Variants in SNRPA1 observed in about 807,000 individuals in gnomAD.
SNRPA1 encodes the protein U2 small nuclear ribonucleoprotein A'.
Under a neutral mutation model 32.3 loss-of-function variants are expected in SNRPA1, and 5 were observed. The ratio of observed to expected loss-of-function variants is 0.15; its 90% CI spans 0.08 to 0.33. The LOEUF (loss-of-function observed/expected upper bound fraction) is 0.33, where lower values mean the gene tolerates loss of function less well. SNRPA1 is among the 10% of genes least tolerant of loss of function. SNRPA1 has a pLI of 1.00. For missense variants in SNRPA1, 198 were observed against 311.1 expected, an observed-to-expected ratio of 0.64 and a Z score of 2.74; for synonymous variants, 111 against 120.1, an observed-to-expected ratio of 0.92 and a Z score of 0.50.
intron 2 of SNRPA1, among the ~76,000 whole-genome samples, chr15:101,292,316 CA>C (rs1239128453): frequency 6.6e-6 from 1 of 152,214 alleles, no homozygotes; most frequent in Non-Finnish European, 1.5e-5. Flanking sequence ...CTACTTAACT[CA>C]CTTCATGATT....
chr15:101,284,673 T>A, intron 8 of SNRPA1: 1 of 237,468 alleles, frequency 4.2e-6, no homozygotes, highest in East Asian at 9.3e-5. Flanking sequence ...CGGCTAATTT[T>A]GTATTTTTAG....
At chr15:101,290,784 C>T (rs2039516401) in intron 3 of SNRPA1, among the ~76,000 whole-genome samples, 1 of 149,568 alleles carries the variant, frequency 6.7e-6, no homozygotes, top group African/African-American at 2.5e-5. Context: ...TTTCTTTGCC[C>T]AGGCTGGAGT....
At chr15:101,291,882 G>C in intron 3 of SNRPA1, 80 bp downstream of exon 3, 1 of 858,754 alleles carries the variant, frequency 1.2e-6, no homozygotes. Context: ...TCATTTTCTA[G>C]ATTTTGTAAA....
intron 8 of SNRPA1, among the ~76,000 whole-genome samples, chr15:101,284,059 T>C (rs1596469533): frequency 6.6e-6 from 1 of 152,364 alleles, no homozygotes; most frequent in Middle Eastern, 3.4e-3. Flanking sequence ...TATCAAAACT[T>C]GTAAGACGTA....
intron 6 of SNRPA1, 27 bp downstream of exon 6, chr15:101,286,187 G>A: frequency 6.3e-7 from 1 of 1,582,458 alleles, no homozygotes; most frequent in Non-Finnish European, 8.7e-7. Flanking sequence ...AGGTGAAGTA[G>A]AGTTAAGTTG....
At chr15:101,285,635 T>A (rs1486563899) in intron 7 of SNRPA1, 91 bp downstream of exon 7, 2 of 848,352 alleles carry the variant, frequency 2.4e-6, no homozygotes, top group Admixed American at 2.1e-5. Context: ...GAAAATGAAA[T>A]CTGCAATGTT....
At chr15:101,285,637 T>C (rs1304616541) in intron 7 of SNRPA1, 89 bp downstream of exon 7, 10 of 867,188 alleles carry the variant, frequency 1.2e-5, no homozygotes, top group African/African-American at 3.4e-5. Context: ...AAATGAAATC[T>C]GCAATGTTCG....
intron 3 of SNRPA1, among the ~76,000 whole-genome samples, chr15:101,291,391 T>C (rs540373216): frequency 1.3e-5 from 2 of 152,346 alleles, no homozygotes; most frequent in African/African-American, 2.4e-5. Context: ...ATATCAGATA[T>C]GTAATCTAAA....
rs1471745787 is a variant in SNRPA1, at chr15:101,286,206, T to A, written c.539+8A>T. 1.2e-6 allele frequency: 2 copies of A among 1,611,580 alleles called. No homozygotes were observed. The highest frequency in any genetic ancestry group is 1.7e-5 in the Admixed American group (1 of 59,998). On this transcript the variant is annotated splice_region_variant and intron_variant, in intron 6 of 8. Transcript: ENST00000254193. ...GAAGTAGAGTTAAGTTGGATATCCGTGTCTTACGTTTTGCTTCTCCTGGCA... is the reference window on the plus strand; with the variant it reads ...GAAGTAGAGTTAAGTTGGATATCCGAGTCTTACGTTTTGCTTCTCCTGGCA...
At position 101,293,146 on chromosome 15, in the gene SNRPA1, G is replaced by C; in HGVS notation, c.109C>G (p.Leu37Val). The stretch of plus-strand genomic sequence containing the variant: ...TCAAACTGGTCTAACGTAGCACCTA[G>C]ATTTTCAATGACGGGAATTTTATAC... The part of the protein sequence containing the change: ...RGYKIPVIEN[L>V]GATLDQFDAI... The change falls in exon 2 of 9, where the codon CTA becomes GTA. Residue 37 changes from leucine (L) to valine (V), a missense_variant. Transcript: ENST00000254193. The C allele has an allele frequency of 1.9e-6, 3 of 1,609,204 alleles. No individual in the cohort carries two copies. Among genetic ancestry groups the C allele is most frequent in the Non-Finnish European group, 2.5e-6 (3 of 1,177,198 alleles).
intron 6 of SNRPA1, 151 bp downstream of exon 6, chr15:101,286,063 C>A: frequency 1.5e-6 from 1 of 682,188 alleles, no homozygotes. Flanking sequence ...GATGTGTGGA[C>A]CATTGATGTA....
In SNRPA1 at chr15:101,293,003, ACT is replaced by A. The variant is rs2039544395; in HGVS notation, c.230+20_230+21del. 18 of 1,540,010 alleles carry A rather than the reference ACT, an allele frequency of 1.2e-5. No individual in the cohort carries two copies. The highest frequency in any genetic ancestry group is 1.6e-5 in the Non-Finnish European group (18 of 1,138,522). ...AACATTTACTCTAGGGGAAAAAATTACTTTCCCCTACAGACACGTACCATATT... is the reference window on the plus strand; with the variant it reads ...AACATTTACTCTAGGGGAAAAAATTATTCCCCTACAGACACGTACCATATT... On this transcript the variant is annotated intron_variant, in intron 2 of 8. Transcript: ENST00000254193.
rs777228280 is a variant in SNRPA1 at position 101,295,184 on chromosome 15, A to G, written c.-6T>C. 1.6e-5 allele frequency: 24 copies of G among 1,542,218 alleles called. No individual in the cohort carries two copies. The highest frequency in any genetic ancestry group is 6.1e-6 in the Non-Finnish European group (7 of 1,148,298). ...TCCGCCGTCAGCTTGACCATCCTGC[A>G]GCCTCCCGTTCCCCCGCGCTGTGGA... On this transcript the variant is annotated 5_prime_UTR_variant, in exon 1 of 9. Transcript: ENST00000254193.
intron 8 of SNRPA1, 44 bp from the exon 9 acceptor site, chr15:101,281,826 A>G: frequency 6.4e-7 from 1 of 1,572,774 alleles, no homozygotes; most frequent in Non-Finnish European, 8.8e-7. Context: ...ATTTTAGAGA[A>G]TCCATTCCCT....
At chr15:101,293,386 C>T (rs886519237) in intron 1 of SNRPA1, 4 of 410,282 alleles carry the variant, frequency 9.7e-6, no homozygotes. Context: ...TGCCATGAAG[C>T]TTAGAATCTG....
chr15:101,282,335 G>A (rs1459459867), intron 8 of SNRPA1, among the ~76,000 whole-genome samples: 1 of 152,212 alleles, frequency 6.6e-6, no homozygotes, highest in Non-Finnish European at 1.5e-5. Flanking sequence ...TTGACTTAAT[G>A]TCTGACTTAA....
chr15:101,285,083 G>A, intron 7 of SNRPA1, 23 bp from the exon 8 acceptor site: 1 of 1,550,912 alleles, frequency 6.4e-7, no homozygotes, highest in Non-Finnish European at 8.9e-7. Flanking sequence ...GGGCAATGGA[G>A]ATGGATGATT....
intron 3 of SNRPA1, among the ~76,000 whole-genome samples, chr15:101,288,992 G>C (rs1272502652): frequency 1.3e-5 from 2 of 152,168 alleles, no homozygotes; most frequent in Non-Finnish European, 2.9e-5. Flanking sequence ...GTGTGTGTGT[G>C]CAAGAGGCAC....
At chr15:101,283,727 C>T (rs139996144) in intron 8 of SNRPA1, among the ~76,000 whole-genome samples, 164 of 152,196 alleles carry the variant, frequency 1.1e-3, no homozygotes, top group African/African-American at 3.6e-3. Flanking sequence ...AGGTGGATCA[C>T]GGGGTCAAGA....
Sources: allele counts gnomAD v4.1 joint callset (sites outside exome capture counted in the v4.1 genomes callset), GRCh38; gene constraint gnomAD v4.1.1; transcripts MANE v1.5; gene names NCBI Gene and HGNC (gene_info 2026-07-23, HGNC 2026-07-21).